The following MYRIP variants were observed in gnomAD, a reference collection of about 807,000 sequenced individuals.
MYRIP encodes myosin VIIA and Rab interacting protein, also known as rab effector MyRIP.
Under a neutral mutation model 98.0 loss-of-function variants are expected in MYRIP, and 49 were observed. The ratio of observed to expected loss-of-function variants is 0.50; its 90% confidence interval spans 0.40 to 0.63. The LOEUF (loss-of-function observed/expected upper bound fraction) is 0.63. Among genes scored for constraint, MYRIP ranks in the 30% least tolerant of loss-of-function variants. The probability of loss-of-function intolerance (pLI) is 0.00; values close to 1 mark genes in which losing one functional copy is unlikely to be tolerated. For missense variants in MYRIP, 1,004 were observed against 1,058.2 expected, an observed-to-expected ratio of 0.95 and a Z score of 0.71; for synonymous variants, 404 against 409.5, an observed-to-expected ratio of 0.99 and a Z score of 0.16.
At chr3:40,016,466 A>G (rs1946863715) in intron 2 of MYRIP, among the ~76,000 whole-genome samples, 1 of 152,170 alleles carries the variant, frequency 6.6e-6, no homozygotes, top group African/African-American at 2.4e-5. Flanking sequence ...CAGCTGATGT[A>G]GGATACAAAA....
intron 2 of MYRIP, among the ~76,000 whole-genome samples, chr3:40,032,173 A>G (rs1947276209): frequency 6.6e-6 from 1 of 151,850 alleles, no homozygotes; most frequent in Admixed American, 6.6e-5. Flanking sequence ...TGTCCCAGAG[A>G]TTCTGGTATG....
At chr3:40,254,917 T>A (rs1296611261) in intron 16 of MYRIP, among the ~76,000 whole-genome samples, 1 of 152,180 alleles carries the variant, frequency 6.6e-6, no homozygotes, top group Non-Finnish European at 1.5e-5. Context: ...TTTGTTACCT[T>A]TTATCCTTCA....
At chr3:40,186,519 A>G (rs545483748) in intron 9 of MYRIP, among the ~76,000 whole-genome samples, 85 of 152,020 alleles carry the variant, frequency 5.6e-4, no homozygotes, top group Non-Finnish European at 9.0e-4. Flanking sequence ...TAGAAGACTC[A>G]CCTGCCTGGC....
chr3:40,074,376 C>T (rs996088246), intron 3 of MYRIP, among the ~76,000 whole-genome samples: 7 of 152,040 alleles, frequency 4.6e-5, no homozygotes, highest in Non-Finnish European at 7.4e-5. Context: ...CCTACCTATG[C>T]ATTCTTATGT....
chr3:39,889,714 A>C (rs1312438607), intron 1 of MYRIP, among the ~76,000 whole-genome samples: 2 of 152,100 alleles, frequency 1.3e-5, no homozygotes, highest in Non-Finnish European at 2.9e-5. Flanking sequence ...TCCTCATTTG[A>C]CTTTGCTTAT....
At chr3:40,014,193 A>C (rs1282329052) in intron 2 of MYRIP, among the ~76,000 whole-genome samples, 3 of 152,220 alleles carry the variant, frequency 2.0e-5, no homozygotes, top group Non-Finnish European at 2.9e-5. Context: ...CATATAAACA[A>C]AATTATGAGT....
chr3:40,074,840 A>G (rs1948309644), intron 3 of MYRIP, among the ~76,000 whole-genome samples: 1 of 152,230 alleles, frequency 6.6e-6, no homozygotes, highest in South Asian at 2.1e-4. Flanking sequence ...AGATACGTAG[A>G]TGTCAAATAA....
At chr3:40,168,775 C>A (rs989533391) in intron 7 of MYRIP, among the ~76,000 whole-genome samples, 2 of 152,140 alleles carry the variant, frequency 1.3e-5, no homozygotes, top group African/African-American at 4.8e-5. Flanking sequence ...TGACTCCCCC[C>A]TCTCATCTCA....
chr3:40,124,065 C>T lies in MYRIP; in HGVS notation c.333-26983C>T, dbSNP rs370328572. Among the ~76,000 whole-genome samples the T allele has an allele frequency of 7.2e-5, 11 of 152,268 alleles. No homozygotes were observed. The South Asian group carries it at 1.0e-3, about 14-fold the overall frequency. On this transcript the variant is annotated intron_variant, in intron 3 of 16. Transcript: ENST00000302541. The stretch of plus-strand genomic sequence containing the variant: ...CTTCTTATGACTTAGCCTCAGAAAT[C>T]GCAGAACCTCACTTCTGCCATATTC...
intron 3 of MYRIP, among the ~76,000 whole-genome samples, chr3:40,082,104 G>A (rs1948491892): frequency 6.6e-6 from 1 of 152,114 alleles, no homozygotes; most frequent in Middle Eastern, 3.2e-3. Flanking sequence ...AACAAGTGTT[G>A]TCAAGGATGT....
At chr3:39,933,018 C>G (rs1490710281) in intron 2 of MYRIP, among the ~76,000 whole-genome samples, 3 of 152,150 alleles carry the variant, frequency 2.0e-5, no homozygotes, top group African/African-American at 7.2e-5. Flanking sequence ...TAGGACTGCT[C>G]TAGAATAAGG....
At chr3:39,813,921 AC>A (rs544915873) in intron 1 of MYRIP, among the ~76,000 whole-genome samples, 2 of 152,028 alleles carry the variant, frequency 1.3e-5, no homozygotes, top group South Asian at 4.2e-4. Context: ...TTTTCACCTA[AC>A]TTTTTTTACA....
At chr3:40,240,191 C>G (rs1479988513) in intron 12 of MYRIP, among the ~76,000 whole-genome samples, 1 of 151,454 alleles carries the variant, frequency 6.6e-6, no homozygotes, top group Non-Finnish European at 1.5e-5. Context: ...TTGTTTTTCT[C>G]AGGTTTGTCA....
chr3:40,076,821 C>T (rs1318337487), intron 3 of MYRIP, among the ~76,000 whole-genome samples: 1 of 152,200 alleles, frequency 6.6e-6, no homozygotes, highest in Non-Finnish European at 1.5e-5. Context: ...AAAGTATTAC[C>T]TTACCCTCCC....
intron 8 of MYRIP, among the ~76,000 whole-genome samples, chr3:40,171,225 A>T (rs1222683061): frequency 6.6e-6 from 1 of 151,984 alleles, no homozygotes; most frequent in Non-Finnish European, 1.5e-5. Flanking sequence ...GCAGGAGGGG[A>T]CACGGGTAAG....
chr3:39,978,010 AC>A (rs200118035), intron 2 of MYRIP, among the ~76,000 whole-genome samples: 14 of 114,652 alleles, frequency 1.2e-4, no homozygotes, highest in Admixed American at 3.3e-4. Context: ...CCATTTATCA[AC>A]AAAAAAAAAG....
chr3:39,838,536 G>A (rs1399041438), intron 1 of MYRIP, among the ~76,000 whole-genome samples: 1 of 152,048 alleles, frequency 6.6e-6, no homozygotes, highest in Non-Finnish European at 1.5e-5. Flanking sequence ...TGTTGAACCA[G>A]CCTTGCATCC....
intron 1 of MYRIP, among the ~76,000 whole-genome samples, chr3:39,889,629 T>C (rs980628616): frequency 4.6e-5 from 7 of 152,170 alleles, no homozygotes; most frequent in Non-Finnish European, 7.3e-5. Context: ...TGTATACATA[T>C]GTAACTAACC....
chr3:40,024,391 G>A (rs1947074800), intron 2 of MYRIP, among the ~76,000 whole-genome samples: 1 of 152,080 alleles, frequency 6.6e-6, no homozygotes, highest in South Asian at 2.1e-4. Flanking sequence ...AGACATAGCT[G>A]GAGATGATTG....
Sources: allele counts gnomAD v4.1 joint callset (sites outside exome capture counted in the v4.1 genomes callset), GRCh38; gene constraint gnomAD v4.1.1; transcripts MANE v1.5; gene names NCBI Gene and HGNC (gene_info 2026-07-23, HGNC 2026-07-21).